Variants in GRM7 observed in about 807,000 individuals in gnomAD.
GRM7 encodes metabotropic glutamate receptor 7.
Under a neutral mutation model 84.5 loss-of-function variants are expected in GRM7, and 35 were observed. The ratio of observed to expected loss-of-function variants is 0.41; its 90% CI spans 0.32 to 0.55. The LOEUF (loss-of-function observed/expected upper bound fraction) is 0.55, where lower values mean the gene tolerates loss of function less well. Ranked by LOEUF, GRM7 falls within the 20% of genes least tolerant of loss-of-function variation. The probability of loss-of-function intolerance (pLI) is 0.19; values close to 1 mark genes in which losing one functional copy is unlikely to be tolerated. For missense variants in GRM7, 1,003 were observed against 1,194.6 expected, an observed-to-expected ratio of 0.84 and a Z score of 2.36; for synonymous variants, 487 against 455.1, an observed-to-expected ratio of 1.07 and a Z score of -0.89.
chr3:7,418,126 T>C (rs1696248631), intron 5 of GRM7, among the ~76,000 whole-genome samples: 1 of 152,184 alleles, frequency 6.6e-6, no homozygotes, highest in Admixed American at 6.5e-5. Context: ...AAATTATCCA[T>C]GTCCACCTAA....
intron 1 of GRM7, among the ~76,000 whole-genome samples, chr3:7,083,018 C>A (rs1274914996): frequency 6.6e-6 from 1 of 152,092 alleles, no homozygotes; most frequent in East Asian, 1.9e-4. Context: ...TGACAACAAA[C>A]GATTTAGAAT....
At chr3:6,877,753 A>G (rs189413341) in intron 1 of GRM7, among the ~76,000 whole-genome samples, 33 of 152,006 alleles carry the variant, frequency 2.2e-4, no homozygotes, top group East Asian at 5.8e-4. Flanking sequence ...TTTCATATAG[A>G]TGGACATGAA....
intron 7 of GRM7, among the ~76,000 whole-genome samples, chr3:7,556,481 C>A (rs1262729180): frequency 1.3e-5 from 2 of 152,150 alleles, no homozygotes; most frequent in African/African-American, 4.8e-5. Flanking sequence ...ACATAGTAAA[C>A]TATGCTACCT....
chr3:7,452,871 T>A, intron 6 of GRM7, 64 bp downstream of exon 6: 1 of 960,302 alleles, frequency 1.0e-6, no homozygotes, highest in Non-Finnish European at 1.6e-6. Flanking sequence ...TCATAAGTTT[T>A]AAATGTCTAT....
At chr3:7,454,090 A>ACTCTCT (rs58338960) in intron 6 of GRM7, among the ~76,000 whole-genome samples, 1,641 of 140,120 alleles carry the variant, frequency 0.012, 16 homozygotes, top group Middle Eastern at 0.034. Context: ...CTACACACAC[A>ACTCTCT]CTCTCTCTCT....
chr3:7,329,201 C>T (rs534577123), intron 4 of GRM7, among the ~76,000 whole-genome samples: 109 of 152,242 alleles, frequency 7.2e-4, no homozygotes, highest in African/African-American at 2.5e-3. Context: ...AAATTTTCTC[C>T]TAAACCTTGT....
At position 7,259,953 on chromosome 3, in the gene GRM7, G is replaced by GTTT. The variant is rs1164961076; in HGVS notation, c.737-38721_737-38719dup. Among the ~76,000 whole-genome samples, 14 of 89,660 alleles carry GTTT rather than the reference G, an allele frequency of 1.6e-4. 2 individuals carry two copies. The highest frequency in any genetic ancestry group is 8.2e-4 in the African/African-American group (14 of 17,070). The allele number at this position is 89,660 out of a possible 152,430, so 58.8% of individuals were successfully genotyped here. A position where few individuals can be genotyped will look rare whatever the true frequency, so the allele number is the denominator to read the frequency against. On this transcript the variant is annotated intron_variant, in intron 2 of 9. Coordinates refer to ENST00000357716, the MANE Select transcript of GRM7 (RefSeq NM_000844.4). ...TTTCTCTGCAACCTTACCAGCATCT[G>GTTT]TTTTTTTTTTTTGACGTTTTAATAA... is the stretch of plus-strand genomic sequence containing the variant.
intron 4 of GRM7, among the ~76,000 whole-genome samples, chr3:7,319,999 C>T (rs1213116759): frequency 6.6e-6 from 1 of 152,020 alleles, no homozygotes; most frequent in Non-Finnish European, 1.5e-5. Context: ...GTTCCATTTC[C>T]TGTCACTAAT....
At chr3:7,563,203 TTTCTA>T (rs1694103264) in intron 7 of GRM7, among the ~76,000 whole-genome samples, 1 of 152,136 alleles carries the variant, frequency 6.6e-6, no homozygotes, top group Admixed American at 6.6e-5. Flanking sequence ...GATTTAAGGA[TTTCTA>T]TTGTTCTTTT....
intron 2 of GRM7, among the ~76,000 whole-genome samples, chr3:7,180,522 A>G (rs1250869945): frequency 6.6e-6 from 1 of 152,158 alleles, no homozygotes; most frequent in African/African-American, 2.4e-5. Context: ...GTCACCTTCA[A>G]TGGGTATAAT....
At chr3:7,472,295 A>G (rs1016674694) in intron 7 of GRM7, among the ~76,000 whole-genome samples, 1 of 152,206 alleles carries the variant, frequency 6.6e-6, no homozygotes, top group African/African-American at 2.4e-5. Context: ...CTATAGAAAC[A>G]TAAAATGGAC....
intron 5 of GRM7, among the ~76,000 whole-genome samples, chr3:7,435,192 C>A (rs1486450314): frequency 1.3e-5 from 2 of 151,124 alleles, no homozygotes; most frequent in Non-Finnish European, 2.9e-5. Flanking sequence ...GGGACAGTGT[C>A]TCACTTTGTT....
chr3:7,309,459 A>T (rs1700314606), intron 4 of GRM7, among the ~76,000 whole-genome samples: 1 of 152,080 alleles, frequency 6.6e-6, no homozygotes, highest in Non-Finnish European at 1.5e-5. Flanking sequence ...GGGGTAGAAT[A>T]TTTTTCAAAT....
intron 1 of GRM7, among the ~76,000 whole-genome samples, chr3:6,954,526 T>G (rs1321607229): frequency 1.3e-5 from 2 of 152,202 alleles, no homozygotes; most frequent in Non-Finnish European, 2.9e-5. Flanking sequence ...TTATAAGTTT[T>G]CACCACCCAG....
chr3:7,695,772 A>C lies in GRM7; in HGVS notation c.2698+15477A>C, dbSNP rs149008992. On this transcript the variant is annotated intron_variant, in intron 9 of 9. Transcript: ENST00000357716. ...GGCAGTTATTAGGATTAGATTAGTTAATATATATGACATGATGCTTAAAAC... is the reference window on the plus strand; with the variant it reads ...GGCAGTTATTAGGATTAGATTAGTTCATATATATGACATGATGCTTAAAAC... 1.4e-3 allele frequency among the ~76,000 whole-genome samples: 213 copies of C among 152,314 alleles called. 4 individuals are homozygous for C. The East Asian group carries it at 0.033, about 24-fold the overall frequency.
intron 4 of GRM7, among the ~76,000 whole-genome samples, chr3:7,328,457 C>T (rs555080562): frequency 6.6e-6 from 1 of 152,130 alleles, no homozygotes; most frequent in Non-Finnish European, 1.5e-5. Flanking sequence ...GAGTTCTGGC[C>T]CATAGGATGC....
chr3:7,471,698 C>T (rs976533616), intron 7 of GRM7, among the ~76,000 whole-genome samples: 2 of 152,244 alleles, frequency 1.3e-5, no homozygotes, highest in East Asian at 3.9e-4. Context: ...ATTCCAACTG[C>T]AAAGTCCCTT....
chr3:7,536,026 A>G (rs897098573), intron 7 of GRM7, among the ~76,000 whole-genome samples: 2 of 152,184 alleles, frequency 1.3e-5, no homozygotes, highest in African/African-American at 4.8e-5. Context: ...TGCTCCTCTA[A>G]TAGGGCTTCT....
chr3:6,924,970 C>T (rs1559331774), intron 1 of GRM7, among the ~76,000 whole-genome samples: 1 of 151,986 alleles, frequency 6.6e-6, no homozygotes, highest in Non-Finnish European at 1.5e-5. Flanking sequence ...AATATAGGGA[C>T]CCACAGTTAC....
Sources: allele counts gnomAD v4.1 joint callset (sites outside exome capture counted in the v4.1 genomes callset), GRCh38; gene constraint gnomAD v4.1.1; transcripts MANE v1.5; gene names NCBI Gene and HGNC (gene_info 2026-07-23, HGNC 2026-07-21).